NT5C2: variants seen among roughly 807,000 people sequenced by gnomAD.
The protein encoded by NT5C2 is 5'-nucleotidase, cytosolic II.
NT5C2 carries 58 observed loss-of-function variants against 76.1 expected under a neutral mutation model. That is an observed-to-expected ratio of 0.76 (90% CI 0.62 to 0.95). The LOEUF (loss-of-function observed/expected upper bound fraction) is 0.95. Among genes scored for constraint, NT5C2 ranks in the 40% least tolerant of loss-of-function variants. The pLI, the probability that NT5C2 is intolerant of heterozygous loss-of-function variation, is 0.00. For synonymous variants in NT5C2, 229 were observed against 237.4 expected (o/e 0.96, Z 0.32); for missense variants, 478 against 690.3 (o/e 0.69, Z 3.45).
rs1174099931 is a variant in NT5C2, at chr10:103,088,395, A to AT, written c.*1276dup. 6.6e-6 allele frequency: 1 copy of AT among 152,080 alleles called. No homozygotes were observed. The highest frequency in any genetic ancestry group is 1.5e-5 in the Non-Finnish European group (1 of 68,012). The allele number at this position is 152,080 out of a possible 1,614,324, so 9.4% of individuals were successfully genotyped here. On this transcript the variant is annotated 3_prime_UTR_variant, in exon 19 of 19. Transcript: ENST00000404739. ...ATTTCGACTTGGGATTGGGATTTTTATTTTTTGAGATGGAGTTTTGTTCTT... is the reference window on the plus strand; with the variant it reads ...ATTTCGACTTGGGATTGGGATTTTTATTTTTTTGAGATGGAGTTTTGTTCTT...
chr10:103,096,845 CAAAAAAAAA>C (rs71019656), intron 11 of NT5C2, among the ~76,000 whole-genome samples: 102 of 31,374 alleles, frequency 3.3e-3, no homozygotes, highest in Non-Finnish European at 5.5e-3. Flanking sequence ...GACTCTGTCT[CAAAAAAAAA>C]AAAAAAAAAA....
intron 4 of NT5C2, among the ~76,000 whole-genome samples, chr10:103,124,058 G>A (rs1035737662): frequency 6.6e-6 from 1 of 151,946 alleles, no homozygotes; most frequent in Non-Finnish European, 1.5e-5. Context: ...AATTCTACAT[G>A]TATAATTTTT....
In NT5C2 at chr10:103,177,209, C is replaced by T. The variant is rs145598182; in HGVS notation, c.-24-2227G>A. 6.2e-3 allele frequency among the ~76,000 whole-genome samples: 948 copies of T among 152,152 alleles called. 16 individuals carry two copies. The highest frequency in any genetic ancestry group is 0.022 in the African/African-American group (896 of 41,520). On this transcript the variant is annotated intron_variant, in intron 2 of 18. Transcript: ENST00000404739. ...TCTGTAATAACTTATTTTCAGCTGG[C>T]AATAAAGACTATGAACAAAAAGAAG...
At position 103,165,219 on chromosome 10, in the gene NT5C2, C is replaced by T. The variant is rs189037344; in HGVS notation, c.101+9639G>A. ...AAGAAATCCACCTGCCTCAGCCAGG[C>T]GCAATGGCTCACGCCTGTAATCCCA... On this transcript the variant is annotated intron_variant, in intron 3 of 18. Transcript: ENST00000404739. 3.9e-4 allele frequency among the ~76,000 whole-genome samples: 59 copies of T among 152,306 alleles called. No homozygotes were observed. In the East Asian group the frequency reaches 0.01, roughly 26 times the overall value.
chr10:103,160,738 G>A (rs907214296), intron 3 of NT5C2, among the ~76,000 whole-genome samples: 2 of 152,202 alleles, frequency 1.3e-5, no homozygotes, highest in African/African-American at 2.4e-5. Context: ...GGCAGGGCCA[G>A]GCACGGTGGC....
chr10:103,139,058 T>C (rs528100824), intron 4 of NT5C2, among the ~76,000 whole-genome samples: 95 of 152,100 alleles, frequency 6.2e-4, no homozygotes, highest in African/African-American at 2.1e-3. Context: ...TCTGTGGCAG[T>C]GCAAGAGACA....
At chr10:103,136,229 C>T (rs1171420516) in intron 4 of NT5C2, among the ~76,000 whole-genome samples, 1 of 152,208 alleles carries the variant, frequency 6.6e-6, no homozygotes, top group Admixed American at 6.5e-5. Context: ...ATCATTTTAA[C>T]ATTATATGCC....
intron 4 of NT5C2, among the ~76,000 whole-genome samples, chr10:103,115,397 G>A (rs565004474): frequency 1.3e-5 from 2 of 151,946 alleles, no homozygotes; most frequent in Non-Finnish European, 2.9e-5. Flanking sequence ...GCAAGACTCC[G>A]TCTCCAGAAT....
chr10:103,097,135 C>G (rs923236905), intron 11 of NT5C2, among the ~76,000 whole-genome samples, 156 bp downstream of exon 11: 2 of 152,154 alleles, frequency 1.3e-5, no homozygotes, highest in East Asian at 3.8e-4. Context: ...TTGAGAACCA[C>G]TGTTATCCTG....
intron 3 of NT5C2, among the ~76,000 whole-genome samples, chr10:103,141,846 A>G (rs1419255648): frequency 1.3e-5 from 2 of 152,208 alleles, no homozygotes; most frequent in Non-Finnish European, 2.9e-5. Flanking sequence ...TTTATCCTTG[A>G]GGAACTCAGC....
At chr10:103,125,567 G>A (rs967314481) in intron 4 of NT5C2, among the ~76,000 whole-genome samples, 3 of 152,112 alleles carry the variant, frequency 2.0e-5, no homozygotes, top group Admixed American at 1.3e-4. Context: ...CTGTAACCAC[G>A]AGGAGATAAT....
At chr10:103,183,484 A>T (rs1591870041) in intron 1 of NT5C2, among the ~76,000 whole-genome samples, 1 of 135,370 alleles carries the variant, frequency 7.4e-6, no homozygotes, top group African/African-American at 2.7e-5. Context: ...CTTTTCTTCT[A>T]CTGCAAAAAT....
At chr10:103,125,903 T>A (rs1394002409) in intron 4 of NT5C2, among the ~76,000 whole-genome samples, 13 of 152,046 alleles carry the variant, frequency 8.6e-5, no homozygotes, top group Non-Finnish European at 7.4e-5. Flanking sequence ...TTGTGGAGAG[T>A]GCATAGTTTG....
At chr10:103,106,493 G>GT (rs1355309370) in intron 5 of NT5C2, 96 bp downstream of exon 5, 5 of 774,270 alleles carry the variant, frequency 6.5e-6, no homozygotes, top group African/African-American at 1.7e-5. Context: ...GTTTTGGGGG[G>GT]TTTTTTTGTT....
At chr10:103,108,581 C>T (rs1302390169) in intron 4 of NT5C2, among the ~76,000 whole-genome samples, 1 of 152,098 alleles carries the variant, frequency 6.6e-6, no homozygotes, top group Non-Finnish European at 1.5e-5. Context: ...CTTTAAGAGA[C>T]AGGGAAGGAA....
At chr10:103,105,501 A>T (rs1030707940) in intron 6 of NT5C2, 2 of 534,934 alleles carry the variant, frequency 3.7e-6, no homozygotes, top group Non-Finnish European at 6.4e-6. Flanking sequence ...GAAGGCACTT[A>T]ATTTAAACAA....
At chr10:103,147,056 T>C (rs2081595806) in intron 3 of NT5C2, among the ~76,000 whole-genome samples, 1 of 152,254 alleles carries the variant, frequency 6.6e-6, no homozygotes, top group African/African-American at 2.4e-5. Flanking sequence ...TCTTCATTTT[T>C]CTTGAAATTC....
intron 2 of NT5C2, among the ~76,000 whole-genome samples, chr10:103,180,898 A>T (rs1211230327): frequency 6.6e-6 from 1 of 152,206 alleles, no homozygotes. Context: ...AACATTAAAA[A>T]ATTCGTAATA....
chr10:103,158,644 C>T lies in NT5C2; in HGVS notation c.101+16214G>A, dbSNP rs138259209. Among the ~76,000 whole-genome samples, 1,079 of 152,036 alleles carry T rather than the reference C, an allele frequency of 7.1e-3. 8 individuals carry two copies. The highest frequency in any genetic ancestry group is 0.023 in the African/African-American group (948 of 41,476). On this transcript the variant is annotated intron_variant, in intron 3 of 18. Transcript: ENST00000404739. ...CCAGCCTGGCCAACATGGTGAAACC[C>T]TGTCTCTACTAAAAATACAAAAATT... is the stretch of plus-strand genomic sequence containing the variant.
Sources: gnomAD v4.1 joint callset for allele counts (sites outside exome capture counted in the v4.1 genomes callset) on GRCh38, gnomAD v4.1.1 for gene constraint, MANE v1.5 for transcripts, NCBI Gene and HGNC (gene_info 2026-07-23, HGNC 2026-07-21) for gene names.